Variants in CASP6 observed in about 807,000 individuals in gnomAD.
CASP6 encodes caspase 6.
CASP6 carries 20 observed loss-of-function variants against 31.8 expected under a neutral mutation model. The observed-to-expected ratio is 0.63, with a 90% CI of 0.44 to 0.91. The LOEUF (loss-of-function observed/expected upper bound fraction) is 0.91. Among genes scored for constraint, CASP6 ranks in the 40% least tolerant of loss-of-function variants. The pLI is 0.00. For missense variants in CASP6, 328 were observed against 361.1 expected (o/e 0.91, Z 0.74); for synonymous variants, 130 against 127.8 (o/e 1.02, Z -0.12).
At chr4:109,708,183 C>T (rs750906610), upstream of CASP6, among the ~76,000 whole-genome samples, 10 of 152,092 alleles carry the variant, frequency 6.6e-5, no homozygotes, top group African/African-American at 1.7e-4. Context: ...CATTAGAGTA[C>T]GAAATCAAAG....
chr4:109,703,379 C>A lies in CASP6; in HGVS notation c.17G>T (p.Gly6Val). 1 of 1,611,706 alleles carries A rather than the reference C, an allele frequency of 6.2e-7. No homozygotes were observed. Among genetic ancestry groups the A allele is most frequent in the Non-Finnish European group, 8.5e-7 (1 of 1,179,272 alleles). Residue 6 changes from glycine (G) to valine (V), a missense_variant, in exon 1 of 7, where the codon GGG becomes GTG. Transcript: ENST00000265164. MSSASGLRRGHPAGGE... is the reference protein window; with the variant it reads MSSASVLRRGHPAGGE... The stretch of plus-strand genomic sequence containing the variant: ...ACCTGCCGGGTGCCCCCTGCGGAGC[C>A]CCGAGGCCGAGCTCATTGCAGCCAA...
intron 3 of CASP6, among the ~76,000 whole-genome samples, chr4:109,696,825 G>A (rs931552439): frequency 7.5e-5 from 10 of 133,722 alleles, no homozygotes; most frequent in East Asian, 2.3e-4. Context: ...TCACTCTGTC[G>A]CCCAGGCTGG....
downstream of CASP6, chr4:109,684,555 T>G: frequency 6.2e-7 from 1 of 1,610,126 alleles, no homozygotes; most frequent in Non-Finnish European, 8.5e-7. Context: ...ACGTGGTGGG[T>G]GTACTCCTGG....
chr4:109,686,290 C>T (rs535437781), downstream of CASP6, among the ~76,000 whole-genome samples: 9 of 152,194 alleles, frequency 5.9e-5, no homozygotes, highest in East Asian at 1.7e-3. Flanking sequence ...AGGCGCCCGC[C>T]ACCACACCTG....
At chr4:109,706,168 T>TATATATATAC (rs1438834395), upstream of CASP6, among the ~76,000 whole-genome samples, 26 of 92,470 alleles carry the variant, frequency 2.8e-4, 1 homozygote, top group African/African-American at 4.3e-4. Context: ...TATATATATA[T>TATATATATAC]ATACACACAC....
In CASP6 at chr4:109,694,621, T is replaced by G. The variant is rs368031821; in HGVS notation, c.387A>C (p.Ala129=). 24 of 1,612,932 alleles carry G rather than the reference T, an allele frequency of 1.5e-5. No individual in the cohort carries two copies. In the African/African-American group the frequency reaches 3.1e-4, roughly 21 times the overall value. ...TCTGAATTTCGATTTTAGCATCATA[T>G]GCATAAATGTGATTGCCTTCGCCAT... is the stretch of plus-strand genomic sequence containing the variant. The part of the protein sequence containing the change: ...LSHGEGNHIY[A]YDAKIEIQTL... The change falls in exon 5 of 7, where the codon GCA becomes GCC. Residue 129 remains alanine (A), a synonymous_variant. Transcript: ENST00000265164.
At chr4:109,683,585 T>C in the CASP6 span, among the ~76,000 whole-genome samples, 1 of 152,182 alleles carries the variant, frequency 6.6e-6, no homozygotes, top group Non-Finnish European at 1.5e-5. Flanking sequence ...TACAAACAAA[T>C]ACATTCTTAT....
the CASP6 span, among the ~76,000 whole-genome samples, chr4:109,666,058 G>C: frequency 6.6e-6 from 1 of 152,128 alleles, no homozygotes; most frequent in Non-Finnish European, 1.5e-5. Flanking sequence ...AAAGAAGAAA[G>C]TGAAGAGGAA....
downstream of CASP6, chr4:109,687,644 C>G: frequency 8.3e-7 from 1 of 1,207,790 alleles, no homozygotes; most frequent in South Asian, 1.3e-5. Flanking sequence ...GATTTTGCAA[C>G]TTAGGATGTT....
At chr4:109,683,591 CTTATT>C in the CASP6 span, among the ~76,000 whole-genome samples, 3 of 152,110 alleles carry the variant, frequency 2.0e-5, no homozygotes, top group Admixed American at 6.5e-5. Flanking sequence ...CAAATACATT[CTTATT>C]TTATTCTCTT....
upstream of CASP6, among the ~76,000 whole-genome samples, chr4:109,705,910 T>G (rs1730583452): frequency 1.5e-5 from 2 of 133,052 alleles, no homozygotes; most frequent in Non-Finnish European, 3.1e-5. Flanking sequence ...AGCCCAAGTT[T>G]GAGGCTGCAG....
chr4:109,705,994 AAAAAAAAAT>A (rs1197717449), upstream of CASP6, among the ~76,000 whole-genome samples: 8 of 70,926 alleles, frequency 1.1e-4, no homozygotes, highest in South Asian at 5.4e-4. Flanking sequence ...AAAAAAAAAA[AAAAAAAAAT>A]ATATATATAT....
At chr4:109,706,170 T>TATATATATATATATATATAC (rs1452145399), upstream of CASP6, among the ~76,000 whole-genome samples, 1 of 89,082 alleles carries the variant, frequency 1.1e-5, no homozygotes, top group Non-Finnish European at 2.0e-5. Context: ...TATATATATA[T>TATATATATATATATATATAC]ACACACACAC....
At chr4:109,687,868 G>A (rs1489870678), downstream of CASP6, 3 of 380,480 alleles carry the variant, frequency 7.9e-6, no homozygotes, top group Admixed American at 4.5e-5. Context: ...TTCTCTATGT[G>A]GAGGTGAAAG....
upstream of CASP6, among the ~76,000 whole-genome samples, chr4:109,706,001 A>AAAAACATATATAT (rs1730596189): frequency 6.3e-5 from 2 of 31,676 alleles, 1 homozygote; most frequent in African/African-American, 2.1e-4. Flanking sequence ...AAAAAAAAAA[A>AAAAACATATATAT]ATATATATAT....
At chr4:109,697,502 AG>A (rs1730282655) in intron 3 of CASP6, 119 bp downstream of exon 3, 7 of 1,131,268 alleles carry the variant, frequency 6.2e-6, no homozygotes, top group Non-Finnish European at 8.6e-6. Flanking sequence ...CCTTGCCTTA[AG>A]TGATCCTCCC....
At chr4:109,695,014 A>G (rs1477838633) in intron 4 of CASP6, among the ~76,000 whole-genome samples, 2 of 152,096 alleles carry the variant, frequency 1.3e-5, no homozygotes, top group African/African-American at 4.8e-5. Context: ...TATTTTTAGT[A>G]GAGACGGGGT....
downstream of CASP6, among the ~76,000 whole-genome samples, chr4:109,684,084 G>A (rs1303695014): frequency 1.4e-5 from 2 of 139,818 alleles, no homozygotes; most frequent in African/African-American, 5.4e-5. Flanking sequence ...TTTTTTTGAC[G>A]CAGAGTCTTG....
intron 1 of CASP6, among the ~76,000 whole-genome samples, chr4:109,699,881 G>C (rs1730365116): frequency 6.6e-6 from 1 of 152,162 alleles, no homozygotes; most frequent in Non-Finnish European, 1.5e-5. Flanking sequence ...AACCTCACCT[G>C]CTTATCTTTT....
Sources: allele counts gnomAD v4.1 joint callset (sites outside exome capture counted in the v4.1 genomes callset), GRCh38; gene constraint gnomAD v4.1.1; transcripts MANE v1.5; gene names NCBI Gene and HGNC (gene_info 2026-07-23, HGNC 2026-07-21).